AKAP19: variants seen among roughly 807,000 people sequenced by gnomAD.
The protein encoded by AKAP19 is small A-kinase anchoring protein.
the AKAP19 span, among the ~76,000 whole-genome samples, chr2:189,901,222 T>G: frequency 2.0e-5 from 3 of 152,200 alleles, no homozygotes; most frequent in Non-Finnish European, 2.9e-5. Context: ...GGTTTTTGTG[T>G]CATCAAATAT....
chr2:189,884,730 ATATGAG>A, the AKAP19 span, among the ~76,000 whole-genome samples: 1 of 152,254 alleles, frequency 6.6e-6, no homozygotes, highest in Non-Finnish European at 1.5e-5. Flanking sequence ...TTATGCTAGT[ATATGAG>A]TATGGGACTT....
the AKAP19 span, among the ~76,000 whole-genome samples, chr2:189,887,280 C>A: frequency 6.6e-6 from 1 of 152,174 alleles, no homozygotes; most frequent in African/African-American, 2.4e-5. Flanking sequence ...TTTCCAGCTT[C>A]ATCCATGTCC....
chr2:189,994,542 G>C, the AKAP19 span, among the ~76,000 whole-genome samples: 1 of 151,748 alleles, frequency 6.6e-6, no homozygotes, highest in South Asian at 2.1e-4. Context: ...CTTCCATCTT[G>C]ACTTTGTTGT....
At chr2:190,003,017 T>C in the AKAP19 span, among the ~76,000 whole-genome samples, 1 of 152,138 alleles carries the variant, frequency 6.6e-6, no homozygotes, top group South Asian at 2.1e-4. Context: ...GTTTTCTAGT[T>C]TTTCTCTTAA....
the AKAP19 span, chr2:190,189,868 G>A: frequency 6.6e-6 from 1 of 152,210 alleles, no homozygotes; most frequent in South Asian, 2.1e-4. Context: ...TTGCTCTTCG[G>A]TAGGCCCAGA....
At chr2:190,171,437 A>T in the AKAP19 span, among the ~76,000 whole-genome samples, 1 of 152,158 alleles carries the variant, frequency 6.6e-6, no homozygotes, top group Middle Eastern at 3.2e-3. Flanking sequence ...AAATCATTTT[A>T]TTGGACTTTT....
the AKAP19 span, among the ~76,000 whole-genome samples, chr2:190,136,031 T>A: frequency 6.6e-6 from 1 of 152,190 alleles, no homozygotes; most frequent in Non-Finnish European, 1.5e-5. Context: ...CAAAAATTCC[T>A]GGCATGTAGT....
At chr2:190,096,951 A>C in the AKAP19 span, among the ~76,000 whole-genome samples, 1 of 152,182 alleles carries the variant, frequency 6.6e-6, no homozygotes, top group South Asian at 2.1e-4. Flanking sequence ...CACTTCCTAA[A>C]GGCCCCACCT....
the AKAP19 span, among the ~76,000 whole-genome samples, chr2:190,160,623 C>G: frequency 9.2e-5 from 14 of 151,994 alleles, no homozygotes; most frequent in South Asian, 2.9e-3. Context: ...TATGACTAGA[C>G]TTTTGACCTA....
At chr2:190,057,700 C>T in the AKAP19 span, 1 of 1,553,316 alleles carries the variant, frequency 6.4e-7, no homozygotes, top group Non-Finnish European at 8.9e-7. Context: ...TTTCTACCTA[C>T]CTTAAGAAGT....
At chr2:190,037,492 C>T in the AKAP19 span, among the ~76,000 whole-genome samples, 1 of 152,160 alleles carries the variant, frequency 6.6e-6, no homozygotes, top group South Asian at 2.1e-4. Context: ...AAGACAAAAG[C>T]CAAGACAACT....
At chr2:190,175,710 G>A in the AKAP19 span, among the ~76,000 whole-genome samples, 1 of 152,164 alleles carries the variant, frequency 6.6e-6, no homozygotes, top group Admixed American at 6.5e-5. Flanking sequence ...GTGACATAAT[G>A]AGTAAGACTA....
the AKAP19 span, among the ~76,000 whole-genome samples, chr2:190,106,395 C>T: frequency 6.6e-6 from 1 of 152,170 alleles, no homozygotes; most frequent in Non-Finnish European, 1.5e-5. Flanking sequence ...AATCTCTTTC[C>T]TACATTTCTA....
chr2:190,093,335 A>G, the AKAP19 span, among the ~76,000 whole-genome samples: 99 of 152,242 alleles, frequency 6.5e-4, no homozygotes, highest in Middle Eastern at 3.4e-3. Flanking sequence ...TGGGAGGCTG[A>G]GGCCGGAGAA....
chr2:190,111,740 G>A, the AKAP19 span, among the ~76,000 whole-genome samples: 22,124 of 152,000 alleles, frequency 0.15, 1,683 homozygotes, highest in Non-Finnish European at 0.17. Context: ...CTGGGGTTGG[G>A]GGGGAAAGAA....
chr2:190,097,495 G>A, the AKAP19 span, among the ~76,000 whole-genome samples: 1 of 152,226 alleles, frequency 6.6e-6, no homozygotes, highest in Admixed American at 6.5e-5. Context: ...TTTCACAAAA[G>A]ATTTCTCTGT....
At chr2:190,196,606 T>C in the AKAP19 span, among the ~76,000 whole-genome samples, 4 of 151,892 alleles carry the variant, frequency 2.6e-5, no homozygotes, top group Non-Finnish European at 5.9e-5. Flanking sequence ...ATGGTAGGCA[T>C]TGTGAATAAT....
At chr2:190,050,184 G>A in the AKAP19 span, among the ~76,000 whole-genome samples, 1 of 152,228 alleles carries the variant, frequency 6.6e-6, no homozygotes, top group African/African-American at 2.4e-5. Flanking sequence ...AAATTGAAGT[G>A]AAGTACAGAA....
At chr2:190,020,843 T>C in the AKAP19 span, among the ~76,000 whole-genome samples, 1 of 152,214 alleles carries the variant, frequency 6.6e-6, no homozygotes, top group Non-Finnish European at 1.5e-5. Context: ...CTTTATGAAT[T>C]TGCATGTTAT....
Sources: allele counts gnomAD v4.1 joint callset (sites outside exome capture counted in the v4.1 genomes callset), GRCh38; gene constraint gnomAD v4.1.1; transcripts MANE v1.5; gene names NCBI Gene and HGNC (gene_info 2026-07-23, HGNC 2026-07-21).